VPS13A: variants seen among roughly 807,000 people sequenced by gnomAD.
The protein encoded by VPS13A is intermembrane lipid transfer protein VPS13A.
Under a neutral mutation model 390.9 loss-of-function variants are expected in VPS13A, and 264 were observed. That is an observed-to-expected ratio of 0.68 (90% CI 0.61 to 0.75). The LOEUF is 0.75. Ranked by LOEUF, VPS13A falls within the 30% of genes least tolerant of loss-of-function variation. The pLI is 0.00. For missense variants in VPS13A, 3,409 were observed against 3,733.9 expected, an observed-to-expected ratio of 0.91 and a Z score of 2.27; for synonymous variants, 1,231 against 1,227.1, an observed-to-expected ratio of 1.00 and a Z score of -0.07.
In VPS13A at chr9:77,288,295, A is replaced by G. The variant is rs1375868851; in HGVS notation, c.3339+4645A>G. ...TCTCTGTTTTTAATTTTATTTATTT[A>G]TGCTCTTTTAAGATTCCTTCCTTCT... On this transcript the variant is annotated intron_variant, in intron 31 of 71. Coordinates refer to ENST00000360280, the MANE Select transcript of VPS13A (RefSeq NM_033305.3). Among the ~76,000 whole-genome samples the G allele has an allele frequency of 3.9e-5, 6 of 152,180 alleles. No individual in the cohort carries two copies. The South Asian group carries it at 1.0e-3, about 26-fold the overall frequency.
intron 47 of VPS13A, chr9:77,338,486 G>A (rs1459588849): frequency 2.0e-5 from 3 of 151,998 alleles, no homozygotes; most frequent in Non-Finnish European, 4.4e-5. Context: ...TTTTGCTGTG[G>A]TCTGTAAAAT....
Position 77,238,136 on chromosome 9 carries a change from CTG to C in VPS13A, c.1732_1733del (p.Val578PhefsTer9), listed in dbSNP as rs1408866034. 2.5e-6 allele frequency: 4 copies of C among 1,613,584 alleles called. No homozygotes were observed. On this transcript the variant is annotated frameshift_variant, in exon 18 of 72. Transcript: ENST00000360280. LOFTEE classifies it high-confidence loss of function. ...TTTGAGATAAATCCATTAGATGAAA[CTG>C]TTTCTCAGAGGTGTATCATAGAAGC...
rs1587636851 is a variant in VPS13A, at chr9:77,349,633, C to A, written c.7290-1684C>A. Among the ~76,000 whole-genome samples, 3 of 151,980 alleles carry A rather than the reference C, an allele frequency of 2.0e-5. 1 individual carries two copies. The South Asian group carries it at 6.2e-4, about 32-fold the overall frequency. On this transcript the variant is annotated intron_variant, in intron 52 of 71. Transcript: ENST00000360280. ...TATAATTTTAGAATCAGTTTATCTTCTTTTTTTGTTGTTGTTTATTTGTTT... is the reference window on the plus strand; with the variant it reads ...TATAATTTTAGAATCAGTTTATCTTATTTTTTTGTTGTTGTTTATTTGTTT...
intron 59 of VPS13A, among the ~76,000 whole-genome samples, chr9:77,363,544 T>A (rs79677941): frequency 1.0e-3 from 152 of 152,110 alleles, no homozygotes; most frequent in African/African-American, 3.5e-3. Flanking sequence ...CCCGAGTAGC[T>A]GGGATTACAG....
intron 68 of VPS13A, among the ~76,000 whole-genome samples, chr9:77,401,144 A>G (rs1022234231): frequency 6.6e-6 from 1 of 152,114 alleles, no homozygotes; most frequent in African/African-American, 2.4e-5. Context: ...CCACCAAACT[A>G]TTTCACTACT....
rs1825190892 is a variant in VPS13A at position 77,252,356 on chromosome 9, T to C, written c.2288+4T>C. ...TCATGGATGTAAGGATGCCCAAGTA[T>C]GTACTGTTTGTTTCATGTGAATATG... On this transcript the variant is annotated splice_donor_region_variant and intron_variant, in intron 22 of 71. Coordinates refer to ENST00000360280, the MANE Select transcript of VPS13A (RefSeq NM_033305.3). 2 of 1,602,084 alleles carry C rather than the reference T, an allele frequency of 1.2e-6. No individual in the cohort carries two copies. Among genetic ancestry groups the C allele is most frequent in the Non-Finnish European group, 1.7e-6 (2 of 1,169,144 alleles).
chr9:77,205,868 GCATGAGCCA>G, intron 4 of VPS13A, 101 bp from the exon 5 acceptor site: 1 of 789,630 alleles, frequency 1.3e-6, no homozygotes, highest in Non-Finnish European at 2.0e-6. Context: ...GGGATTACAG[GCATGAGCCA>G]CCGCGCCCGG....
chr9:77,267,588 A>G (rs1203273970), intron 23 of VPS13A, among the ~76,000 whole-genome samples: 6 of 152,124 alleles, frequency 3.9e-5, no homozygotes, highest in Admixed American at 3.9e-4. Context: ...GCTCTCCTGT[A>G]TGAGGTGTCT....
intron 7 of VPS13A, among the ~76,000 whole-genome samples, chr9:77,212,059 G>A (rs1176718239): frequency 2.0e-5 from 3 of 152,144 alleles, no homozygotes; most frequent in Non-Finnish European, 4.4e-5. Flanking sequence ...CACTGCTCTA[G>A]GTGATCCTAA....
intron 3 of VPS13A, among the ~76,000 whole-genome samples, chr9:77,202,471 G>A (rs570632001): frequency 6.6e-6 from 1 of 152,118 alleles, no homozygotes; most frequent in Admixed American, 6.5e-5. Context: ...CATAATCTGA[G>A]TTGATTTGAT....
At chr9:77,404,019 AAGC>A (rs1337531001) in intron 69 of VPS13A, among the ~76,000 whole-genome samples, 1 of 152,208 alleles carries the variant, frequency 6.6e-6, no homozygotes, top group Non-Finnish European at 1.5e-5. Context: ...GGTGACTACT[AAGC>A]AGTCACTTTT....
At chr9:77,205,946 G>A (rs760294352) in intron 4 of VPS13A, 32 bp from the exon 5 acceptor site, 1 of 1,430,436 alleles carries the variant, frequency 7.0e-7, no homozygotes. Flanking sequence ...ATTTAAGGTA[G>A]TTATGATTCT....
At chr9:77,325,352 A>T (rs1829958129) in intron 45 of VPS13A, among the ~76,000 whole-genome samples, 1 of 151,646 alleles carries the variant, frequency 6.6e-6, no homozygotes, top group Non-Finnish European at 1.5e-5. Flanking sequence ...CCCATGCATT[A>T]AAGTATATTT....
chr9:77,322,947 A>T (rs1829826742), intron 44 of VPS13A, 120 bp from the exon 45 acceptor site: 1 of 773,260 alleles, frequency 1.3e-6, no homozygotes, highest in Non-Finnish European at 2.0e-6. Context: ...ATATCCAAAG[A>T]CTCTAGTGAC....
intron 1 of VPS13A, among the ~76,000 whole-genome samples, chr9:77,194,553 C>T (rs1312131767): frequency 1.3e-5 from 2 of 152,126 alleles, no homozygotes; most frequent in South Asian, 2.1e-4. Context: ...AGACTGGAGT[C>T]CTGTTTCTGC....
At position 77,190,028 on chromosome 9, in the gene VPS13A, A is replaced by C. The variant is rs566771464; in HGVS notation, c.101-9917A>C. ...GACTATGGAGTTTTCTAGGTATAGA[A>C]TCATACCGTCTGCAAACAGGGATGA... is the stretch of plus-strand genomic sequence containing the variant. On this transcript the variant is annotated intron_variant, in intron 1 of 71. Transcript: ENST00000360280. Among the ~76,000 whole-genome samples the C allele has an allele frequency of 3.9e-5, 6 of 152,256 alleles. No homozygotes were observed. The East Asian group carries it at 1.2e-3, about 29-fold the overall frequency.
In VPS13A at chr9:77,337,244, A is replaced by C. The variant is rs915584063; in HGVS notation, c.6096-11A>C. 6 of 1,608,644 alleles carry C rather than the reference A, an allele frequency of 3.7e-6. No individual in the cohort carries two copies. The African/African-American group carries it at 6.7e-5, about 18-fold the overall frequency. ...AAAACATTTTAAACTGTATCATTTA[A>C]TCTCATGCAGATCATTCATTTTTCT... On this transcript the variant is annotated splice_polypyrimidine_tract_variant and intron_variant, in intron 46 of 71. Transcript: ENST00000360280.
chr9:77,232,018 A>G (rs868848620), intron 17 of VPS13A, among the ~76,000 whole-genome samples: 3 of 152,174 alleles, frequency 2.0e-5, no homozygotes, highest in Non-Finnish European at 4.4e-5. Context: ...TCTTTCCTCA[A>G]TGAACACTCC....
intron 68 of VPS13A, chr9:77,383,078 C>T (rs1268190161): frequency 1.1e-6 from 1 of 945,230 alleles, no homozygotes; most frequent in African/African-American, 1.8e-5. Flanking sequence ...ATGAAGCTTC[C>T]TTTATGGCTT....
Sources: gnomAD v4.1 joint callset for allele counts (sites outside exome capture counted in the v4.1 genomes callset) on GRCh38, gnomAD v4.1.1 for gene constraint, MANE v1.5 for transcripts, NCBI Gene and HGNC (gene_info 2026-07-23, HGNC 2026-07-21) for gene names.